HPSE2: variants seen among roughly 807,000 people sequenced by gnomAD.
HPSE2 encodes heparanase 2 (inactive).
A neutral mutation model predicts 60.5 loss-of-function variants in HPSE2; 38 were observed. That is an observed-to-expected ratio of 0.63 (90% CI 0.48 to 0.82). HPSE2 has a LOEUF of 0.82. Ranked by LOEUF, HPSE2 falls within the 40% of genes least tolerant of loss-of-function variation. The pLI is 0.00. For synonymous variants in HPSE2, 295 were observed against 293.2 expected (o/e 1.01, Z -0.06); for missense variants, 713 against 740.4 (o/e 0.96, Z 0.43).
At chr10:98,655,564 G>C (rs1420194274) in intron 6 of HPSE2, among the ~76,000 whole-genome samples, 1 of 152,154 alleles carries the variant, frequency 6.6e-6, no homozygotes, top group Non-Finnish European at 1.5e-5. Flanking sequence ...AAAAGTCATT[G>C]ATTGTCAGTT....
At chr10:98,710,867 T>G (rs892102868) in intron 5 of HPSE2, among the ~76,000 whole-genome samples, 2 of 152,072 alleles carry the variant, frequency 1.3e-5, no homozygotes, top group African/African-American at 4.8e-5. Context: ...ATCTCACAAT[T>G]GGCCTAAGAT....
intron 3 of HPSE2, among the ~76,000 whole-genome samples, chr10:98,976,603 C>G (rs934478149): frequency 3.9e-5 from 6 of 152,076 alleles, no homozygotes; most frequent in African/African-American, 9.7e-5. Flanking sequence ...AATTCTTAAC[C>G]TGAGCTGTGT....
At chr10:99,103,965 C>G (rs1006438877) in intron 3 of HPSE2, among the ~76,000 whole-genome samples, 1 of 152,144 alleles carries the variant, frequency 6.6e-6, no homozygotes, top group Admixed American at 6.6e-5. Flanking sequence ...CTTCCTTACA[C>G]CTTATACAAA....
At chr10:98,553,152 A>G (rs1054542581) in intron 9 of HPSE2, among the ~76,000 whole-genome samples, 4 of 152,194 alleles carry the variant, frequency 2.6e-5, no homozygotes, top group African/African-American at 9.7e-5. Context: ...ATTACATCTA[A>G]TTCAAAGCAT....
chr10:98,983,639 T>A (rs1409765275), intron 3 of HPSE2, among the ~76,000 whole-genome samples: 1 of 152,242 alleles, frequency 6.6e-6, no homozygotes, highest in Non-Finnish European at 1.5e-5. Flanking sequence ...GTTGGGGGTC[T>A]TTTGTGGCTG....
At chr10:99,027,375 C>T (rs1023415557) in intron 3 of HPSE2, among the ~76,000 whole-genome samples, 1 of 151,336 alleles carries the variant, frequency 6.6e-6, no homozygotes, top group Non-Finnish European at 1.5e-5. Flanking sequence ...TAGAACTGGA[C>T]AAATTCCTAG....
intron 4 of HPSE2, 81 bp from the exon 5 acceptor site, chr10:98,721,909 C>A: frequency 1.8e-6 from 2 of 1,131,192 alleles, no homozygotes; most frequent in South Asian, 1.3e-5. Context: ...ATCTCTCTGC[C>A]TTTTTCTTAA....
chr10:99,054,523 T>C (rs554822772), intron 3 of HPSE2, among the ~76,000 whole-genome samples: 17 of 152,288 alleles, frequency 1.1e-4, no homozygotes, highest in African/African-American at 3.8e-4. Flanking sequence ...CCTATTAAAA[T>C]AGAGGGACCT....
At chr10:98,686,725 T>A (rs1444861566) in intron 6 of HPSE2, among the ~76,000 whole-genome samples, 1 of 152,236 alleles carries the variant, frequency 6.6e-6, no homozygotes, top group Non-Finnish European at 1.5e-5. Context: ...TTCCAAATAT[T>A]TAGGCATTTT....
chr10:98,994,839 G>T (rs1031737076), intron 3 of HPSE2, among the ~76,000 whole-genome samples: 2 of 152,140 alleles, frequency 1.3e-5, no homozygotes, highest in Non-Finnish European at 2.9e-5. Context: ...GGATAACCTG[G>T]TTTCCCTGTC....
rs535573877 is a variant in HPSE2 at position 99,145,455 on chromosome 10, TA to T, written c.449-1057del. Among the ~76,000 whole-genome samples, 803 of 142,874 alleles carry T rather than the reference TA, an allele frequency of 5.6e-3. 5 individuals are homozygous for T. The highest frequency in any genetic ancestry group is 0.019 in the South Asian group (87 of 4,598). The allele number at this position is 142,874 out of a possible 152,430, so 93.7% of individuals were successfully genotyped here. On this transcript the variant is annotated intron_variant, in intron 2 of 11. Coordinates refer to ENST00000370552, the MANE Select transcript of HPSE2 (RefSeq NM_021828.5). ...TGGGCAATAGAGGGAGACTCTGTCT[TA>T]AAAAAAAAAAAAAAGAAGAAGAAGA...
chr10:99,037,057 T>C (rs1165963196), intron 3 of HPSE2, among the ~76,000 whole-genome samples: 1 of 152,186 alleles, frequency 6.6e-6, no homozygotes, highest in Non-Finnish European at 1.5e-5. Context: ...GCACATCATA[T>C]CTGTGGTAAA....
At chr10:99,223,093 G>A (rs1193346839) in intron 2 of HPSE2, among the ~76,000 whole-genome samples, 3 of 152,072 alleles carry the variant, frequency 2.0e-5, no homozygotes. Flanking sequence ...CATAGCAGAG[G>A]CTCCATTTAA....
intron 9 of HPSE2, among the ~76,000 whole-genome samples, chr10:98,509,532 T>G (rs529270274): frequency 6.6e-6 from 1 of 151,886 alleles, no homozygotes; most frequent in African/African-American, 2.4e-5. Context: ...GACGGAGTCT[T>G]GCTCTGTCAC....
intron 3 of HPSE2, among the ~76,000 whole-genome samples, chr10:99,098,295 A>G (rs1483893663): frequency 1.3e-5 from 2 of 152,222 alleles, no homozygotes; most frequent in East Asian, 3.8e-4. Context: ...GTAATCTAGA[A>G]ATGATGTAAA....
At chr10:99,305,664 A>C in the HPSE2 span, among the ~76,000 whole-genome samples, 1 of 152,100 alleles carries the variant, frequency 6.6e-6, no homozygotes, top group Non-Finnish European at 1.5e-5. Context: ...TAACCAATAA[A>C]AGCAGACCCA....
At chr10:98,886,726 A>G (rs1210454200) in intron 3 of HPSE2, among the ~76,000 whole-genome samples, 1 of 152,142 alleles carries the variant, frequency 6.6e-6, no homozygotes, top group African/African-American at 2.4e-5. Context: ...TAGTGGAGAT[A>G]AAAATTGAGA....
At chr10:98,711,734 T>C (rs1589687685) in intron 5 of HPSE2, among the ~76,000 whole-genome samples, 1 of 152,174 alleles carries the variant, frequency 6.6e-6, no homozygotes, top group Non-Finnish European at 1.5e-5. Context: ...TTGTAAATCA[T>C]TTAATATTTG....
chr10:99,182,004 C>T (rs1206538182), intron 2 of HPSE2, among the ~76,000 whole-genome samples: 1 of 152,124 alleles, frequency 6.6e-6, no homozygotes, highest in African/African-American at 2.4e-5. Flanking sequence ...AGGAGAGAGC[C>T]CTCAGAAGAA....
Sources: allele counts gnomAD v4.1 joint callset (sites outside exome capture counted in the v4.1 genomes callset), GRCh38; gene constraint gnomAD v4.1.1; transcripts MANE v1.5; gene names NCBI Gene and HGNC (gene_info 2026-07-23, HGNC 2026-07-21).